The following DCDC2 variants were observed in gnomAD, a reference collection of about 807,000 sequenced individuals.
The protein encoded by DCDC2 is doublecortin domain containing 2.
Under a neutral mutation model 50.2 loss-of-function variants are expected in DCDC2, and 40 were observed. The ratio of observed to expected loss-of-function variants is 0.80; its 90% CI spans 0.62 to 1.04. The LOEUF is 1.04. Among genes scored for constraint, DCDC2 ranks in the 50% least tolerant of loss-of-function variants. DCDC2 has a pLI of 0.00. For synonymous variants in DCDC2, 234 were observed against 210.6 expected (o/e 1.11, Z -0.96); for missense variants, 570 against 581.9 (o/e 0.98, Z 0.21).
At chr6:24,237,037 G>A (rs562107245) in intron 7 of DCDC2, among the ~76,000 whole-genome samples, 2 of 150,684 alleles carry the variant, frequency 1.3e-5, no homozygotes, top group East Asian at 1.9e-4. Context: ...GTGGACAAAG[G>A]ACATGAATAG....
intron 2 of DCDC2, among the ~76,000 whole-genome samples, chr6:24,328,009 T>C (rs1759905057): frequency 6.6e-6 from 1 of 152,224 alleles, no homozygotes. Context: ...GCTATTCCAT[T>C]TGCATGGATG....
chr6:24,257,535 A>G (rs183764883), intron 7 of DCDC2, among the ~76,000 whole-genome samples: 1 of 152,210 alleles, frequency 6.6e-6, no homozygotes, highest in Non-Finnish European at 1.5e-5. Context: ...TGGGAGTCTC[A>G]GAACAGATCT....
intron 7 of DCDC2, among the ~76,000 whole-genome samples, chr6:24,276,859 A>T (rs1264397961): frequency 6.6e-6 from 1 of 150,514 alleles, no homozygotes; most frequent in Non-Finnish European, 1.5e-5. Flanking sequence ...AATAGAGCTA[A>T]AGAAAAAAAA....
intron 7 of DCDC2, among the ~76,000 whole-genome samples, chr6:24,248,042 C>T (rs1204923245): frequency 2.6e-5 from 4 of 152,178 alleles, no homozygotes; most frequent in Admixed American, 6.5e-5. Context: ...CACCATTGCA[C>T]TCCAGCCTGG....
At chr6:24,307,472 A>C (rs1405602869) in intron 2 of DCDC2, among the ~76,000 whole-genome samples, 1 of 152,168 alleles carries the variant, frequency 6.6e-6, no homozygotes, top group East Asian at 1.9e-4. Context: ...GCCAACCTAC[A>C]CAAAAAAGCT....
At chr6:24,200,971 T>G (rs1306311934) in intron 8 of DCDC2, among the ~76,000 whole-genome samples, 2 of 152,134 alleles carry the variant, frequency 1.3e-5, no homozygotes, top group African/African-American at 4.8e-5. Flanking sequence ...TAAATATATA[T>G]GAACCCAATA....
intron 7 of DCDC2, among the ~76,000 whole-genome samples, chr6:24,210,019 G>GGT (rs71002475): frequency 0.02 from 2,881 of 145,200 alleles, 29 homozygotes; most frequent in Middle Eastern, 0.052. Flanking sequence ...GCAGTATCAG[G>GGT]GTGTGTGTGT....
rs1300888797 is a variant in DCDC2 at position 24,205,263 on chromosome 6, C to T, written c.923-161G>A. ...CCCTCCTCCGACCACCACACCACCCCCAGTTGTTCCACATTTTCATTGAGA... is the reference window on the plus strand; with the variant it reads ...CCCTCCTCCGACCACCACACCACCCTCAGTTGTTCCACATTTTCATTGAGA... On this transcript the variant is annotated intron_variant, in intron 7 of 9. Transcript: ENST00000378454. The T allele has an allele frequency of 3.8e-6, 6 of 1,561,068 alleles. No homozygotes were observed. The East Asian group carries it at 1.4e-4, about 37-fold the overall frequency.
chr6:24,256,969 A>G (rs1762908926), intron 7 of DCDC2, among the ~76,000 whole-genome samples: 1 of 152,094 alleles, frequency 6.6e-6, no homozygotes, highest in African/African-American at 2.4e-5. Context: ...AACAAGATTA[A>G]TTTTTCAGTT....
chr6:24,353,644 C>T, intron 1 of DCDC2, 21 bp from the exon 2 acceptor site: 1 of 1,481,118 alleles, frequency 6.8e-7, no homozygotes, highest in Non-Finnish European at 9.2e-7. Flanking sequence ...AACAAACAAA[C>T]AATAAGAGTT....
chr6:24,214,875 T>C (rs896995702), intron 7 of DCDC2, among the ~76,000 whole-genome samples: 1 of 152,210 alleles, frequency 6.6e-6, no homozygotes, highest in African/African-American at 2.4e-5. Flanking sequence ...CAAAAACACA[T>C]AGTACTGTTT....
chr6:24,242,832 T>G (rs181542660), intron 7 of DCDC2, among the ~76,000 whole-genome samples: 1 of 151,944 alleles, frequency 6.6e-6, no homozygotes, highest in Admixed American at 6.6e-5. Context: ...CGTGGTGGCA[T>G]GCACCTGTAA....
chr6:24,328,393 T>G (rs1759910902), intron 2 of DCDC2, among the ~76,000 whole-genome samples: 1 of 152,254 alleles, frequency 6.6e-6, no homozygotes, highest in African/African-American at 2.4e-5. Context: ...GCAAGGCTTA[T>G]AAGTTCAACT....
At position 24,177,214 on chromosome 6, in the gene DCDC2, A is replaced by T. The variant is rs148447137; in HGVS notation, c.1326+1116T>A. On this transcript the variant is annotated intron_variant, in intron 9 of 9. Transcript: ENST00000378454. ...GTAGAACTAATATGGGGAATTTCTT[A>T]TAGAATAGGACTATGATTATCTCAC... 7.9e-5 allele frequency among the ~76,000 whole-genome samples: 12 copies of T among 152,348 alleles called. No homozygotes were observed. In the South Asian group the frequency reaches 2.3e-3, roughly 29 times the overall value.
intron 7 of DCDC2, among the ~76,000 whole-genome samples, chr6:24,230,128 G>A (rs1045913602): frequency 6.6e-6 from 1 of 152,184 alleles, no homozygotes; most frequent in Non-Finnish European, 1.5e-5. Flanking sequence ...ATTCAACAAT[G>A]TTTACTGAGC....
chr6:24,380,706 G>A, the DCDC2 span, among the ~76,000 whole-genome samples: 54 of 152,262 alleles, frequency 3.5e-4, no homozygotes, highest in Non-Finnish European at 6.0e-4. Flanking sequence ...CAGAACCCCC[G>A]GGAGAATTGA....
intron 7 of DCDC2, among the ~76,000 whole-genome samples, chr6:24,271,594 C>G (rs1233447041): frequency 1.3e-5 from 2 of 152,170 alleles, no homozygotes; most frequent in Non-Finnish European, 2.9e-5. Context: ...CCTGGAGGCT[C>G]TGGCCTACAC....
At chr6:24,215,798 C>A (rs527320297) in intron 7 of DCDC2, among the ~76,000 whole-genome samples, 1 of 152,316 alleles carries the variant, frequency 6.6e-6, no homozygotes, top group South Asian at 2.1e-4. Flanking sequence ...GGTGGAATCT[C>A]AGCACTGCTC....
At chr6:24,243,771 G>A (rs1460520876) in intron 7 of DCDC2, among the ~76,000 whole-genome samples, 2 of 152,134 alleles carry the variant, frequency 1.3e-5, no homozygotes, top group African/African-American at 2.4e-5. Context: ...GCTAAGTGTG[G>A]TTCTGGCCTT....
Sources: allele counts gnomAD v4.1 joint callset (sites outside exome capture counted in the v4.1 genomes callset), GRCh38; gene constraint gnomAD v4.1.1; transcripts MANE v1.5; gene names NCBI Gene and HGNC (gene_info 2026-07-23, HGNC 2026-07-21).